The following CTNNA2 variants were observed in gnomAD, a reference collection of about 807,000 sequenced individuals.
CTNNA2 encodes the protein catenin alpha-2.
Under a neutral mutation model 101.0 loss-of-function variants are expected in CTNNA2, and 42 were observed. The observed-to-expected ratio is 0.42, with a 90% CI of 0.32 to 0.54. CTNNA2 has a LOEUF of 0.54. CTNNA2 is among the 20% of genes least tolerant of loss of function. The probability of loss-of-function intolerance (pLI) is 0.14; values close to 1 mark genes in which losing one functional copy is unlikely to be tolerated. For missense variants in CTNNA2, 871 were observed against 1,223.1 expected (o/e 0.71, Z 4.29); for synonymous variants, 450 against 456.4 (o/e 0.99, Z 0.18).
At chr2:80,358,126 C>G (rs1191876638) in intron 7 of CTNNA2, among the ~76,000 whole-genome samples, 1 of 152,044 alleles carries the variant, frequency 6.6e-6, no homozygotes, top group Non-Finnish European at 1.5e-5. Flanking sequence ...AGTAAGGATA[C>G]TATGAGTACC....
chr2:80,560,657 C>G (rs1217602100), intron 12 of CTNNA2, among the ~76,000 whole-genome samples: 4 of 152,162 alleles, frequency 2.6e-5, no homozygotes, highest in Non-Finnish European at 5.9e-5. Flanking sequence ...CTCTGTCCTC[C>G]CTGCAACGTT....
rs56329864 is a variant in CTNNA2 at position 80,467,389 on chromosome 2, T to A, written c.1290+47788T>A. 7.8e-3 allele frequency among the ~76,000 whole-genome samples: 1,189 copies of A among 152,316 alleles called. 26 individuals are homozygous for A. Among genetic ancestry groups the A allele is most frequent in the African/African-American group, 0.027 (1,109 of 41,578 alleles). Reference sequence around the variant, plus strand: ...TTTGTGGCTTTCAATAATGTACCAGTCTGTTATAAGACACTACTAGGGGAA... The same window carrying A: ...TTTGTGGCTTTCAATAATGTACCAGACTGTTATAAGACACTACTAGGGGAA... On this transcript the variant is annotated intron_variant, in intron 9 of 18. Coordinates refer to ENST00000402739, the MANE Select transcript of CTNNA2 (RefSeq NM_001282597.3).
chr2:79,247,304 G>C (rs1164632676), intron 2 of CTNNA2, among the ~76,000 whole-genome samples: 2 of 152,174 alleles, frequency 1.3e-5, no homozygotes, highest in Non-Finnish European at 2.9e-5. Flanking sequence ...AATTACATAA[G>C]AGTTGTTAGC....
intron 2 of CTNNA2, among the ~76,000 whole-genome samples, chr2:79,282,202 T>G (rs1675407248): frequency 6.6e-6 from 1 of 152,070 alleles, no homozygotes; most frequent in South Asian, 2.1e-4. Flanking sequence ...AACTATACCT[T>G]TATCTTTTTC....
chr2:79,291,849 A>G (rs146016993), intron 2 of CTNNA2, among the ~76,000 whole-genome samples: 124 of 152,282 alleles, frequency 8.1e-4, no homozygotes, highest in Middle Eastern at 3.4e-3. Flanking sequence ...AAAGAAAATT[A>G]TTTACCTGTG....
Position 79,289,179 on chromosome 2 carries a change from G to T in CTNNA2, c.-405-23530G>T, listed in dbSNP as rs1433601828. 3.9e-5 allele frequency among the ~76,000 whole-genome samples: 6 copies of T among 152,170 alleles called. No individual in the cohort carries two copies. In the South Asian group the frequency reaches 1.2e-3, roughly 32 times the overall value. On this transcript the variant is annotated intron_variant, in intron 2 of 21. Transcript: ENST00000466387. ...TCATTATTGTCTTTGTGATTCGAGA[G>T]GGTGGACTATAGATTCCACCTCCTC... is the stretch of plus-strand genomic sequence containing the variant.
At chr2:79,220,559 C>A (rs781088495) in intron 2 of CTNNA2, among the ~76,000 whole-genome samples, 9 of 151,646 alleles carry the variant, frequency 5.9e-5, no homozygotes, top group Non-Finnish European at 1.2e-4. Flanking sequence ...GTGAGAAGGG[C>A]CAGATGGAGG....
chr2:80,010,472 T>A (rs1693698903), intron 7 of CTNNA2, among the ~76,000 whole-genome samples: 1 of 152,064 alleles, frequency 6.6e-6, no homozygotes, highest in Non-Finnish European at 1.5e-5. Flanking sequence ...TGCCTGGATT[T>A]TTTTTATTAT....
chr2:80,223,376 G>T (rs1421538810), intron 7 of CTNNA2, among the ~76,000 whole-genome samples: 1 of 152,234 alleles, frequency 6.6e-6, no homozygotes, highest in African/African-American at 2.4e-5. Flanking sequence ...CAGGGTTCAA[G>T]TGATTCTCCT....
intron 9 of CTNNA2, among the ~76,000 whole-genome samples, chr2:80,436,925 C>G (rs1036066549): frequency 6.6e-6 from 1 of 152,138 alleles, no homozygotes; most frequent in African/African-American, 2.4e-5. Context: ...CAATAGCACT[C>G]CTCAAAATTC....
chr2:79,586,609 A>G (rs757721042), intron 1 of CTNNA2, among the ~76,000 whole-genome samples: 3 of 151,228 alleles, frequency 2.0e-5, no homozygotes, highest in South Asian at 2.1e-4. Context: ...ACATCATGCT[A>G]TCCATTACAT....
At chr2:79,782,685 T>G (rs1674543586) in intron 3 of CTNNA2, among the ~76,000 whole-genome samples, 2 of 152,202 alleles carry the variant, frequency 1.3e-5, no homozygotes, top group Non-Finnish European at 2.9e-5. Flanking sequence ...AAGTACTTAA[T>G]TGTTCGGTCT....
chr2:79,635,640 A>T (rs1235326416), intron 1 of CTNNA2, among the ~76,000 whole-genome samples: 1 of 149,054 alleles, frequency 6.7e-6, no homozygotes, highest in Non-Finnish European at 1.5e-5. Flanking sequence ...AGTAGCTGGG[A>T]TTACAGGCGC....
intron 4 of CTNNA2, among the ~76,000 whole-genome samples, chr2:79,413,657 T>C (rs1340609093): frequency 6.6e-6 from 1 of 152,032 alleles, no homozygotes; most frequent in Non-Finnish European, 1.5e-5. Context: ...ACATAATGAT[T>C]ATAGTAATTT....
intron 1 of CTNNA2, among the ~76,000 whole-genome samples, chr2:79,188,628 G>C (rs557364173): frequency 6.6e-6 from 1 of 152,208 alleles, no homozygotes; most frequent in Non-Finnish European, 1.5e-5. Context: ...AATCACTGAA[G>C]GGAGGGCAAT....
chr2:79,624,362 A>T (rs1236734935), intron 1 of CTNNA2, among the ~76,000 whole-genome samples: 3 of 152,124 alleles, frequency 2.0e-5, no homozygotes, highest in African/African-American at 7.2e-5. Context: ...GTTAGCAAAT[A>T]GCTCACCTTC....
chr2:79,348,431 C>A (rs1677311458), intron 3 of CTNNA2, among the ~76,000 whole-genome samples: 1 of 152,128 alleles, frequency 6.6e-6, no homozygotes, highest in African/African-American at 2.4e-5. Context: ...TAGAACCTAT[C>A]ACAGAACTTT....
rs1285004825 is a variant in CTNNA2 at position 79,782,140 on chromosome 2, T to C, written c.298+37558T>C. On this transcript the variant is annotated intron_variant, in intron 3 of 18. Coordinates refer to ENST00000402739, the MANE Select transcript of CTNNA2 (RefSeq NM_001282597.3). ...AAATTTTTTAAGGTTATATTTACAA[T>C]AATTATGTTTAATTTTATATATAAA... 2.0e-5 allele frequency among the ~76,000 whole-genome samples: 3 copies of C among 152,184 alleles called. No homozygotes were observed. The East Asian group carries it at 5.8e-4, about 29-fold the overall frequency.
At chr2:79,977,702 C>T (rs760456521) in intron 7 of CTNNA2, among the ~76,000 whole-genome samples, 3 of 152,118 alleles carry the variant, frequency 2.0e-5, no homozygotes, top group Non-Finnish European at 2.9e-5. Flanking sequence ...TAAAATATAA[C>T]GCTTTTTAAA....
Sources: gnomAD v4.1 joint callset for allele counts (sites outside exome capture counted in the v4.1 genomes callset) on GRCh38, gnomAD v4.1.1 for gene constraint, MANE v1.5 for transcripts, NCBI Gene and HGNC (gene_info 2026-07-23, HGNC 2026-07-21) for gene names.